The following MOB3B variants were observed in gnomAD, a reference collection of about 807,000 sequenced individuals.
The protein encoded by MOB3B is MOB kinase activator-like 2B.
Under a neutral mutation model 18.7 loss-of-function variants are expected in MOB3B, and 7 were observed. That is an observed-to-expected ratio of 0.37 (90% CI 0.21 to 0.70). MOB3B has a LOEUF of 0.70. Ranked by LOEUF, MOB3B falls within the 30% of genes least tolerant of loss-of-function variation. The pLI, the probability that MOB3B is intolerant of heterozygous loss-of-function variation, is 0.52. For synonymous variants in MOB3B, 111 were observed against 99.9 expected (o/e 1.11, Z -0.66); for missense variants, 253 against 281.3 (o/e 0.90, Z 0.72).
chr9:27,505,596 T>C (rs1820046277), intron 1 of MOB3B, among the ~76,000 whole-genome samples: 1 of 152,248 alleles, frequency 6.6e-6, no homozygotes, highest in South Asian at 2.1e-4. Flanking sequence ...CTGTACTAGC[T>C]TATATTCCAA....
At chr9:27,484,389 G>C (rs1166210487) in intron 1 of MOB3B, among the ~76,000 whole-genome samples, 6 of 152,136 alleles carry the variant, frequency 3.9e-5, no homozygotes, top group African/African-American at 1.2e-4. Context: ...ATGGGTCTAT[G>C]CTAAAAACAA....
At chr9:27,373,936 T>C (rs1347146450) in intron 2 of MOB3B, among the ~76,000 whole-genome samples, 1 of 152,240 alleles carries the variant, frequency 6.6e-6, no homozygotes, top group East Asian at 1.9e-4. Flanking sequence ...GGCTATATCC[T>C]ACTCTTGCAG....
intron 3 of MOB3B, among the ~76,000 whole-genome samples, chr9:27,344,303 A>G (rs554946342): frequency 1.3e-5 from 2 of 152,310 alleles, no homozygotes; most frequent in South Asian, 2.1e-4. Flanking sequence ...TCTCCAAGAA[A>G]ACATCCATGC....
chr9:27,447,313 C>T (rs926921955), intron 2 of MOB3B, among the ~76,000 whole-genome samples: 4 of 152,180 alleles, frequency 2.6e-5, no homozygotes, highest in African/African-American at 7.2e-5. Flanking sequence ...TCTCCAAGCT[C>T]TACTGACCTC....
At chr9:27,528,930 G>A (rs911478725) in intron 1 of MOB3B, among the ~76,000 whole-genome samples, 5 of 152,192 alleles carry the variant, frequency 3.3e-5, no homozygotes, top group African/African-American at 1.2e-4. Flanking sequence ...CAGGGAAAGG[G>A]AGGGGCTGGG....
chr9:27,444,625 G>A (rs1034448717), intron 2 of MOB3B, among the ~76,000 whole-genome samples: 1 of 152,154 alleles, frequency 6.6e-6, no homozygotes, highest in Non-Finnish European at 1.5e-5. Context: ...TTTAGAGAGA[G>A]GAAAGGTTAT....
At chr9:27,500,109 C>T (rs1304185371) in intron 1 of MOB3B, among the ~76,000 whole-genome samples, 1 of 151,968 alleles carries the variant, frequency 6.6e-6, no homozygotes, top group Non-Finnish European at 1.5e-5. Context: ...GGTTAAAAAT[C>T]ACCATTAAAG....
At chr9:27,514,399 T>C (rs1302004509) in intron 1 of MOB3B, among the ~76,000 whole-genome samples, 1 of 146,666 alleles carries the variant, frequency 6.8e-6, no homozygotes, top group Non-Finnish European at 1.5e-5. Flanking sequence ...GATTCCTATA[T>C]CTGGAACTAT....
intron 1 of MOB3B, among the ~76,000 whole-genome samples, chr9:27,499,142 T>G (rs932509800): frequency 3.0e-4 from 46 of 152,232 alleles, no homozygotes; most frequent in African/African-American, 8.9e-4. Context: ...TTAATTAAAA[T>G]AAGAATAATC....
intron 2 of MOB3B, among the ~76,000 whole-genome samples, chr9:27,376,789 C>T (rs1821495611): frequency 6.6e-6 from 1 of 152,226 alleles, no homozygotes. Context: ...AACCTAGCAG[C>T]ACTGAATCTA....
chr9:27,529,482 C>A, intron 1 of MOB3B, 73 bp downstream of exon 1: 1 of 942,108 alleles, frequency 1.1e-6, no homozygotes, highest in Non-Finnish European at 1.3e-6. Flanking sequence ...TCGCCGCCCG[C>A]CCGGGCGAGA....
At chr9:27,426,641 G>A (rs1361476879) in intron 2 of MOB3B, among the ~76,000 whole-genome samples, 1 of 152,134 alleles carries the variant, frequency 6.6e-6, no homozygotes, top group South Asian at 2.1e-4. Context: ...AGGAGTCCAG[G>A]CTCAGCTGAT....
At position 27,483,171 on chromosome 9, in the gene MOB3B, C is replaced by T. The variant is rs1020679407; in HGVS notation, c.-198-27423G>A. On this transcript the variant is annotated intron_variant, in intron 1 of 3. Coordinates refer to ENST00000262244, the MANE Select transcript of MOB3B (RefSeq NM_024761.5). ...TTTTTGAGACGGAGTCTTGCTCTGT[C>T]GCCCAGGCTGGAGTGTAGTGGCGCC... Among the ~76,000 whole-genome samples, 5 of 109,862 alleles carry T rather than the reference C, an allele frequency of 4.6e-5. No homozygotes were observed. The South Asian group carries it at 9.1e-4, about 20-fold the overall frequency. The allele number at this position is 109,862 out of a possible 152,430, so 72.1% of individuals were successfully genotyped here. A position where few individuals can be genotyped will look rare whatever the true frequency, so the allele number is the denominator to read the frequency against.
chr9:27,487,132 A>AAAATAAATAAATAAATAAATAAATAAAT (rs56371907), intron 1 of MOB3B, among the ~76,000 whole-genome samples: 308 of 145,238 alleles, frequency 2.1e-3, no homozygotes, highest in African/African-American at 6.5e-3. Context: ...TTCTGTCTCA[A>AAAATAAATAAATAAATAAATAAATAAAT]AAATAAATAA....
intron 2 of MOB3B, among the ~76,000 whole-genome samples, chr9:27,422,349 T>C (rs932209033): frequency 6.6e-6 from 1 of 152,230 alleles, no homozygotes; most frequent in Non-Finnish European, 1.5e-5. Flanking sequence ...CAGTCCAACT[T>C]CAACGCTTTA....
chr9:27,341,587 C>G (rs1055463423), intron 3 of MOB3B, among the ~76,000 whole-genome samples: 1 of 152,162 alleles, frequency 6.6e-6, no homozygotes, highest in South Asian at 2.1e-4. Context: ...ACAATGAGAT[C>G]TCTTGCTAGA....
At chr9:27,482,809 G>C (rs937616911) in intron 1 of MOB3B, among the ~76,000 whole-genome samples, 1 of 152,042 alleles carries the variant, frequency 6.6e-6, no homozygotes, top group Non-Finnish European at 1.5e-5. Context: ...GCAAAAATTT[G>C]TGTAATGAGA....
intron 2 of MOB3B, among the ~76,000 whole-genome samples, chr9:27,441,249 A>C (rs1197462322): frequency 6.8e-6 from 1 of 148,116 alleles, no homozygotes; most frequent in Non-Finnish European, 1.5e-5. Flanking sequence ...AATTAGCATA[A>C]ATTTCTTTTT....
intron 2 of MOB3B, among the ~76,000 whole-genome samples, chr9:27,418,091 C>CAAA (rs57850999): frequency 0.19 from 8,169 of 43,928 alleles, 1,642 homozygotes; most frequent in East Asian, 0.59. Flanking sequence ...GACTCCACCT[C>CAAA]AAAAAAAAAA....
Sources: gnomAD v4.1 joint callset for allele counts (sites outside exome capture counted in the v4.1 genomes callset) on GRCh38, gnomAD v4.1.1 for gene constraint, MANE v1.5 for transcripts, NCBI Gene and HGNC (gene_info 2026-07-23, HGNC 2026-07-21) for gene names.